Variants in PBX4 observed in about 807,000 individuals in gnomAD.
PBX4 encodes PBX homeobox 4.
A neutral mutation model predicts 35.1 loss-of-function variants in PBX4; 26 were observed. The ratio of observed to expected loss-of-function variants is 0.74; its 90% CI spans 0.54 to 1.03. The LOEUF is 1.03. Ranked by LOEUF, PBX4 falls within the 50% of genes least tolerant of loss-of-function variation. PBX4 has a pLI of 0.00. For synonymous variants in PBX4, 199 were observed against 204.2 expected, an observed-to-expected ratio of 0.97 and a Z score of 0.22; for missense variants, 448 against 504.3, an observed-to-expected ratio of 0.89 and a Z score of 1.07.
intron 1 of PBX4, among the ~76,000 whole-genome samples, chr19:19,608,886 T>C (rs2061646605): frequency 6.6e-6 from 1 of 152,218 alleles, no homozygotes; most frequent in Middle Eastern, 3.2e-3. Context: ...GGTCCCCGTG[T>C]CACCGCACTC....
intron 2 of PBX4, among the ~76,000 whole-genome samples, chr19:19,575,297 G>A (rs11880888): frequency 0.03 from 1,516 of 51,266 alleles, 17 homozygotes; most frequent in Middle Eastern, 0.091. Flanking sequence ...CAGCACCCAT[G>A]AGCGAGGACA....
At chr19:19,603,951 CAAAA>C (rs575405663) in intron 1 of PBX4, among the ~76,000 whole-genome samples, 4 of 95,642 alleles carry the variant, frequency 4.2e-5, no homozygotes, top group Admixed American at 1.1e-4. Flanking sequence ...GACTCCATCT[CAAAA>C]AAAAAAAAAA....
chr19:19,587,412 A>AC (rs202046104), intron 2 of PBX4, among the ~76,000 whole-genome samples: 2,245 of 151,436 alleles, frequency 0.015, 79 homozygotes, highest in South Asian at 0.075. Context: ...ACGTGGTGAA[A>AC]CCCCATCTCT....
chr19:19,569,997 A>C, intron 4 of PBX4, 112 bp downstream of exon 4: 3 of 1,143,396 alleles, frequency 2.6e-6, no homozygotes, highest in Non-Finnish European at 3.6e-6. Flanking sequence ...TGAGGCCTCC[A>C]ACCGTGACTG....
At position 19,569,595 on chromosome 19, in the gene PBX4, A is replaced by G; in HGVS notation, c.633-11T>C. On this transcript the variant is annotated splice_polypyrimidine_tract_variant and intron_variant, in intron 4 of 7. Coordinates refer to ENST00000251203, the MANE Select transcript of PBX4 (RefSeq NM_025245.3). ...TTCCGCCGCTTGCGCCTGCAAAAAC[A>G]GCCGCCTTCGTAGGCATTAATATGC... 1 of 1,612,924 alleles carries G rather than the reference A, an allele frequency of 6.2e-7. No homozygotes were observed.
At position 19,600,771 on chromosome 19, in the gene PBX4, C is replaced by T. The variant is rs567764327; in HGVS notation, c.120-1406G>A. Reference sequence around the variant, plus strand: ...GGCAGAGGTTGCAGTGAGCTGAGATCGCACCAGTGAACTCCAGCCTGGGCA... The same window carrying T: ...GGCAGAGGTTGCAGTGAGCTGAGATTGCACCAGTGAACTCCAGCCTGGGCA... On this transcript the variant is annotated intron_variant, in intron 1 of 7. Coordinates refer to ENST00000251203, the MANE Select transcript of PBX4 (RefSeq NM_025245.3). Among the ~76,000 whole-genome samples, 5 of 142,074 alleles carry T rather than the reference C, an allele frequency of 3.5e-5. No individual in the cohort carries two copies. In the East Asian group the frequency reaches 8.3e-4, roughly 23 times the overall value. 93.2% of individuals were successfully genotyped at this position (142,074 alleles called of 152,430 possible).
In PBX4 at chr19:19,585,309, T is replaced by C. The variant is rs2144742609; in HGVS notation, c.193+13983A>G. On this transcript the variant is annotated intron_variant, in intron 2 of 7. Transcript: ENST00000251203. ...CACTATACTCCAGCCTGGGTGACAG[T>C]GTGAGACTCCATCTCAAAAAAAAAA... is the stretch of plus-strand genomic sequence containing the variant. 1.3e-5 allele frequency among the ~76,000 whole-genome samples: 2 copies of C among 151,740 alleles called. 1 individual carries two copies. Among genetic ancestry groups the C allele is most frequent in the South Asian group, 4.2e-4 (2 of 4,810 alleles).
At position 19,565,057 on chromosome 19, in the gene PBX4, C is replaced by A; in HGVS notation, c.801G>T (p.Arg267=). 1 of 1,614,208 alleles carries A rather than the reference C, an allele frequency of 6.2e-7. No homozygotes were observed. Among genetic ancestry groups the A allele is most frequent in the South Asian group, 1.1e-5 (1 of 91,084 alleles). ...GAAACTTCCCCATGTTCTTTTTATA[C>A]CGGATTCTTTTGTTGCCAAACCAGT... ...VSNWFGNKRI[R]YKKNMGKFQE... Residue 267 remains arginine, a synonymous_variant, in exon 6 of 8, where the codon CGG becomes CGT. Transcript: ENST00000251203.
Position 19,569,559 on chromosome 19 carries a change from G to T in PBX4, c.658C>A (p.Gln220Lys). 6.2e-7 allele frequency: 1 copy of T among 1,613,594 alleles called. No homozygotes were observed. Among genetic ancestry groups the T allele is most frequent in the East Asian group, 2.2e-5 (1 of 44,832 alleles). ...TACTCATTCAGCACTTCCGTCGCCT[G>T]CTTGCTGAAATTCCGCCGCTTGCGC... Reference protein sequence around the residue: ...ARRKRRNFSKQATEVLNEYFY... With the variant: ...ARRKRRNFSKKATEVLNEYFY... Residue 220 changes from glutamine to lysine, a missense_variant, in exon 5 of 8, where the codon CAG becomes AAG. Coordinates refer to ENST00000251203, the MANE Select transcript of PBX4 (RefSeq NM_025245.3).
chr19:19,587,071 CT>C (rs1431237289), intron 2 of PBX4, among the ~76,000 whole-genome samples: 1 of 152,030 alleles, frequency 6.6e-6, no homozygotes, highest in African/African-American at 2.4e-5. Context: ...GTGGCACAAT[CT>C]TGGCTCACTG....
At chr19:19,567,229 C>T (rs1285483768) in intron 5 of PBX4, among the ~76,000 whole-genome samples, 3 of 152,184 alleles carry the variant, frequency 2.0e-5, no homozygotes, top group Non-Finnish European at 4.4e-5. Context: ...TCACGCTTCT[C>T]CAGGGGCCTT....
intron 1 of PBX4, among the ~76,000 whole-genome samples, chr19:19,609,355 G>C (rs1359312250): frequency 2.6e-5 from 4 of 151,448 alleles, no homozygotes; most frequent in Admixed American, 2.6e-4. Flanking sequence ...TTGGAGACCA[G>C]CCTGACCAAC....
intron 1 of PBX4, among the ~76,000 whole-genome samples, chr19:19,606,123 C>T (rs1045240624): frequency 6.6e-6 from 1 of 152,204 alleles, no homozygotes; most frequent in Admixed American, 6.5e-5. Context: ...CCCAGTGAGT[C>T]ATGTCCTTAT....
chr19:19,612,828 C>T (rs2061669739), intron 1 of PBX4, among the ~76,000 whole-genome samples: 1 of 147,842 alleles, frequency 6.8e-6, no homozygotes, highest in Non-Finnish European at 1.5e-5. Flanking sequence ...CCCACCACAC[C>T]ATTTAATTTC....
Position 19,563,987 on chromosome 19 carries a change from T to G in PBX4, c.926-372A>C, listed in dbSNP as rs1425332527. ...CACGCCCAGATAATTTGTTTTTTCT[T>G]TCTTTTTTTTTATTATTATTATACT... On this transcript the variant is annotated intron_variant, in intron 6 of 7. Transcript: ENST00000251203. This position sits in a 1 kb window ranked among gnomAD's most constrained non-coding sequence, Gnocchi z 5.1. Among the ~76,000 whole-genome samples, 1 of 151,978 alleles carries G rather than the reference T, an allele frequency of 6.6e-6. No individual in the cohort carries two copies. The highest frequency in any genetic ancestry group is 1.5e-5 in the Non-Finnish European group (1 of 67,998).
At chr19:19,569,309 C>T in intron 5 of PBX4, 140 bp downstream of exon 5, 3 of 1,165,164 alleles carry the variant, frequency 2.6e-6, no homozygotes, top group Non-Finnish European at 3.5e-6. Flanking sequence ...ACCCTCCTAC[C>T]TCATCCTCCC....
At chr19:19,587,993 G>T in intron 2 of PBX4, 1 of 507,056 alleles carries the variant, frequency 2.0e-6, no homozygotes, top group South Asian at 2.1e-5. Flanking sequence ...TGATGCTCTG[G>T]GCTCTGCTCC....
rs1906386794 is a variant in PBX4, at chr19:19,574,827, G to T, written c.194-3994C>A. The stretch of plus-strand genomic sequence containing the variant: ...TTTTTGTTTTTTGTTTGTTTCAAGA[G>T]AATTCAATCGTTTATTGATTACAAC... On this transcript the variant is annotated intron_variant, in intron 2 of 7. Coordinates refer to ENST00000251203, the MANE Select transcript of PBX4 (RefSeq NM_025245.3). Among the ~76,000 whole-genome samples, 3 of 151,784 alleles carry T rather than the reference G, an allele frequency of 2.0e-5. 1 individual carries two copies. Among genetic ancestry groups the T allele is most frequent in the Admixed American group, 1.3e-4 (2 of 15,206 alleles).
At chr19:19,574,661 G>GT (rs141756246) in intron 2 of PBX4, among the ~76,000 whole-genome samples, 9,775 of 150,298 alleles carry the variant, frequency 0.065, 370 homozygotes, top group South Asian at 0.14. Flanking sequence ...TAAAGACAGA[G>GT]TCTCTCTCTG....
Sources: allele counts gnomAD v4.1 joint callset (sites outside exome capture counted in the v4.1 genomes callset), GRCh38; gene constraint gnomAD v4.1.1; non-coding constraint Gnocchi (gnomAD v3.1); transcripts MANE v1.5; gene names NCBI Gene and HGNC (gene_info 2026-07-23, HGNC 2026-07-21).